Variants in RGSL1 observed in about 807,000 individuals in gnomAD.
RGSL1 encodes the protein regulator of G protein signaling protein-like.
In RGSL1, 97 loss-of-function variants were observed where a neutral mutation model predicts 124.7. The observed-to-expected ratio is 0.78, with a 90% CI of 0.66 to 0.92. RGSL1 has a LOEUF of 0.92. RGSL1 is among the 40% of genes least tolerant of loss of function. RGSL1 has a pLI of 0.00. For missense variants in RGSL1, 1,233 were observed against 1,288.4 expected (o/e 0.96, Z 0.66); for synonymous variants, 424 against 438.1 (o/e 0.97, Z 0.40).
intron 9 of RGSL1, among the ~76,000 whole-genome samples, chr1:182,506,273 A>T (rs944447848): frequency 6.6e-6 from 1 of 152,144 alleles, no homozygotes. Context: ...AGTATTCTGT[A>T]TATGTTAGTT....
chr1:182,554,205 C>T (rs1271577516), intron 19 of RGSL1, among the ~76,000 whole-genome samples: 1 of 152,208 alleles, frequency 6.6e-6, no homozygotes, highest in Non-Finnish European at 1.5e-5. Context: ...TTCTCACAGG[C>T]ATGAAATGCC....
intron 9 of RGSL1, among the ~76,000 whole-genome samples, chr1:182,504,935 G>T (rs533740992): frequency 1.3e-5 from 2 of 152,132 alleles, no homozygotes; most frequent in South Asian, 4.1e-4. Flanking sequence ...GAAAGTTTTG[G>T]GTCTTCTAAT....
chr1:182,476,437 T>C (rs1488280458), intron 6 of RGSL1, among the ~76,000 whole-genome samples: 1 of 152,200 alleles, frequency 6.6e-6, no homozygotes, highest in Non-Finnish European at 1.5e-5. Flanking sequence ...GCAAACCCTG[T>C]TGGCATTACC....
intron 9 of RGSL1, among the ~76,000 whole-genome samples, chr1:182,505,392 T>A (rs529235946): frequency 6.6e-6 from 1 of 152,022 alleles, no homozygotes; most frequent in African/African-American, 2.4e-5. Context: ...TGGGGGTATG[T>A]GGACAATTTA....
At chr1:182,533,727 G>A (rs1490570355) in intron 14 of RGSL1, among the ~76,000 whole-genome samples, 1 of 152,194 alleles carries the variant, frequency 6.6e-6, no homozygotes, top group Admixed American at 6.5e-5. Context: ...CTTGGCAATA[G>A]CACATGCTAT....
intron 9 of RGSL1, among the ~76,000 whole-genome samples, chr1:182,504,532 A>G (rs1446521637): frequency 2.1e-5 from 2 of 93,906 alleles, no homozygotes; most frequent in East Asian, 6.2e-4. Context: ...AGAAGACTGG[A>G]CTTTTTAATA....
At chr1:182,470,407 T>G (rs554171793) in intron 4 of RGSL1, among the ~76,000 whole-genome samples, 1 of 152,194 alleles carries the variant, frequency 6.6e-6, no homozygotes, top group Non-Finnish European at 1.5e-5. Context: ...CCAGTCACAT[T>G]GGCCTCCTTG....
At chr1:182,471,978 T>C (rs1188829414) in intron 4 of RGSL1, among the ~76,000 whole-genome samples, 1 of 152,202 alleles carries the variant, frequency 6.6e-6, no homozygotes, top group African/African-American at 2.4e-5. Context: ...GGCCAAGTTT[T>C]AACAAAAGGG....
chr1:182,470,587 C>T (rs775558070), intron 4 of RGSL1, among the ~76,000 whole-genome samples: 2 of 152,090 alleles, frequency 1.3e-5, no homozygotes, highest in East Asian at 1.9e-4. Context: ...TCTTTTATCC[C>T]GTTCCACATT....
chr1:182,454,164 TA>T (rs113486256), intron 2 of RGSL1, 124 bp downstream of exon 2: 2 of 639,348 alleles, frequency 3.1e-6, no homozygotes, highest in Middle Eastern at 2.8e-4. Flanking sequence ...TCTTCTTAAA[TA>T]AAAAAACTCT....
intron 2 of RGSL1, 131 bp downstream of exon 2, chr1:182,454,171 A>T: frequency 1.6e-6 from 1 of 630,214 alleles, no homozygotes; most frequent in Middle Eastern, 3.1e-4. Context: ...AAATAAAAAA[A>T]CTCTTTTAAT....
At chr1:182,458,796 A>G (rs1389399728) in intron 3 of RGSL1, among the ~76,000 whole-genome samples, 1 of 152,130 alleles carries the variant, frequency 6.6e-6, no homozygotes, top group Non-Finnish European at 1.5e-5. Context: ...TGAAATGTGA[A>G]TTGGGAGAGG....
chr1:182,538,013 T>C (rs1484328041), intron 14 of RGSL1, among the ~76,000 whole-genome samples: 2 of 152,200 alleles, frequency 1.3e-5, no homozygotes, highest in East Asian at 3.8e-4. Context: ...TTTCCCTCCC[T>C]GACTGTGGAA....
intron 6 of RGSL1, among the ~76,000 whole-genome samples, chr1:182,488,016 T>C (rs770112149): frequency 2.6e-5 from 4 of 152,216 alleles, no homozygotes; most frequent in Non-Finnish European, 5.9e-5. Context: ...TGTTAAGTAA[T>C]GGTTCTGTAA....
chr1:182,469,629 A>G (rs892282012), intron 4 of RGSL1, among the ~76,000 whole-genome samples: 1 of 152,190 alleles, frequency 6.6e-6, no homozygotes, highest in Non-Finnish European at 1.5e-5. Context: ...GAATTACCAT[A>G]TGGTCCAGCA....
chr1:182,510,739 A>T (rs544816681), intron 9 of RGSL1, among the ~76,000 whole-genome samples: 1 of 149,822 alleles, frequency 6.7e-6, no homozygotes, highest in Non-Finnish European at 1.5e-5. Flanking sequence ...TTCTTTTGAG[A>T]AACGTCTATT....
chr1:182,473,548 C>A, intron 5 of RGSL1, 27 bp from the exon 6 acceptor site: 1 of 1,490,730 alleles, frequency 6.7e-7, no homozygotes, highest in Non-Finnish European at 8.9e-7. Flanking sequence ...ATCATTTTCA[C>A]CCATGATTTC....
At chr1:182,464,865 T>C (rs1283751514) in intron 4 of RGSL1, among the ~76,000 whole-genome samples, 1 of 152,002 alleles carries the variant, frequency 6.6e-6, no homozygotes, top group Non-Finnish European at 1.5e-5. Context: ...GATGAGAGGA[T>C]TGCTTGAGGC....
chr1:182,477,249 C>A (rs755791478), intron 6 of RGSL1, among the ~76,000 whole-genome samples: 17 of 152,168 alleles, frequency 1.1e-4, no homozygotes, highest in Non-Finnish European at 2.1e-4. Context: ...GATCCAGAAT[C>A]AGCCTCATCT....
Sources: allele counts gnomAD v4.1 joint callset (sites outside exome capture counted in the v4.1 genomes callset), GRCh38; gene constraint gnomAD v4.1.1; transcripts MANE v1.5; gene names NCBI Gene and HGNC (gene_info 2026-07-23, HGNC 2026-07-21).